SIPA1L3: variants seen among roughly 807,000 people sequenced by gnomAD.
SIPA1L3 encodes signal-induced proliferation-associated 1-like protein 3.
In SIPA1L3, 59 loss-of-function variants were observed where a neutral mutation model predicts 150.1. The ratio of observed to expected loss-of-function variants is 0.39; its 90% CI spans 0.32 to 0.49. SIPA1L3 has a LOEUF of 0.49. SIPA1L3 is among the 20% of genes least tolerant of loss of function. SIPA1L3 has a pLI of 0.86. For missense variants in SIPA1L3, 2,211 were observed against 2,489.5 expected (o/e 0.89, Z 2.38); for synonymous variants, 1,070 against 1,077.6 (o/e 0.99, Z 0.14).
intron 1 of SIPA1L3, among the ~76,000 whole-genome samples, chr19:37,950,101 G>A (rs1289877750): frequency 8.2e-5 from 9 of 109,790 alleles, no homozygotes; most frequent in Non-Finnish European, 1.2e-4. Flanking sequence ...AAAAAAAAAA[G>A]AGTGTGACCA....
chr19:38,117,024 A>C (rs537683085), intron 8 of SIPA1L3, among the ~76,000 whole-genome samples: 45 of 152,326 alleles, frequency 3.0e-4, no homozygotes, highest in African/African-American at 1.1e-3. Flanking sequence ...ATATTCATCA[A>C]ATCTCCAAAT....
At chr19:38,005,962 T>G (rs746438719) in intron 1 of SIPA1L3, among the ~76,000 whole-genome samples, 6 of 152,140 alleles carry the variant, frequency 3.9e-5, no homozygotes, top group Non-Finnish European at 2.9e-5. Context: ...GGGGGAAGAT[T>G]GCTTAAGCCC....
intron 1 of SIPA1L3, among the ~76,000 whole-genome samples, chr19:37,976,726 G>C (rs577772818): frequency 6.6e-6 from 1 of 152,286 alleles, no homozygotes; most frequent in Non-Finnish European, 1.5e-5. Context: ...TTGCTTTGAG[G>C]ATTCAGTAAG....
intron 1 of SIPA1L3, chr19:37,964,720 A>C (rs1471435697): frequency 6.6e-6 from 1 of 151,806 alleles, no homozygotes; most frequent in Non-Finnish European, 1.5e-5. Flanking sequence ...CTGGTCTCGA[A>C]CTCCTGACCT....
intron 6 of SIPA1L3, 129 bp from the exon 7 acceptor site, chr19:38,106,408 G>A: frequency 1.4e-6 from 1 of 738,318 alleles, no homozygotes; most frequent in South Asian, 1.4e-5. Context: ...GGCCTGGCCA[G>A]TGTATTTAAT....
At chr19:38,048,569 C>G (rs1282014576) in intron 2 of SIPA1L3, among the ~76,000 whole-genome samples, 1 of 152,188 alleles carries the variant, frequency 6.6e-6, no homozygotes, top group Non-Finnish European at 1.5e-5. Context: ...CAACTGGGTT[C>G]TGTTGTCTAG....
chr19:38,086,648 A>T (rs145202268), intron 3 of SIPA1L3, among the ~76,000 whole-genome samples: 14 of 152,294 alleles, frequency 9.2e-5, no homozygotes, highest in Admixed American at 2.6e-4. Context: ...GCACCACTGC[A>T]CTCCAGCCTG....
intron 13 of SIPA1L3, among the ~76,000 whole-genome samples, chr19:38,160,255 C>A (rs1023115358): frequency 6.6e-6 from 1 of 152,008 alleles, no homozygotes; most frequent in African/African-American, 2.4e-5. Flanking sequence ...CTCAAATGAT[C>A]CCCCCATCTT....
At chr19:38,152,225 G>A (rs1971840062) in intron 12 of SIPA1L3, among the ~76,000 whole-genome samples, 1 of 152,180 alleles carries the variant, frequency 6.6e-6, no homozygotes, top group South Asian at 2.1e-4. Flanking sequence ...CCATGTGTCA[G>A]GAATCAAACC....
intron 1 of SIPA1L3, among the ~76,000 whole-genome samples, chr19:38,018,484 C>G (rs1181058775): frequency 6.6e-6 from 1 of 152,130 alleles, no homozygotes; most frequent in African/African-American, 2.4e-5. Context: ...TGGGTTCGCC[C>G]ATTCTGGACA....
chr19:38,046,361 C>A lies in SIPA1L3; in HGVS notation c.-311+17205C>A, dbSNP rs1969057392. On this transcript the variant is annotated intron_variant, in intron 2 of 21. Coordinates refer to ENST00000222345, the MANE Select transcript of SIPA1L3 (RefSeq NM_015073.3). The surrounding 1 kb of genome is among the most constrained non-coding windows in gnomAD (Gnocchi z 5.6). The stretch of plus-strand genomic sequence containing the variant: ...CCCAGCGCTGCCAGCAGCCTGTCCC[C>A]CCTCCTCATTTCCCTATTTCTTTTG... Among the ~76,000 whole-genome samples the A allele has an allele frequency of 6.6e-6, 1 of 152,130 alleles. No homozygotes were observed. The highest frequency in any genetic ancestry group is 2.4e-5 in the African/African-American group (1 of 41,428).
At position 37,995,841 on chromosome 19, in the gene SIPA1L3, C is replaced by T. The variant is rs1011066963; in HGVS notation, c.-378-33248C>T. On this transcript the variant is annotated intron_variant, in intron 1 of 21. Transcript: ENST00000222345. ...GTGCCATTGGGGCTCTCCTTGGCTTCGCTCTGCCAGCAGGCTGGAGTCGGG... is the reference window on the plus strand; with the variant it reads ...GTGCCATTGGGGCTCTCCTTGGCTTTGCTCTGCCAGCAGGCTGGAGTCGGG... Among the ~76,000 whole-genome samples the T allele has an allele frequency of 1.6e-4, 24 of 152,216 alleles. 1 individual carries two copies. Among genetic ancestry groups the T allele is most frequent in the Non-Finnish European group, 5.9e-5 (4 of 68,036 alleles).
chr19:38,118,756 A>G (rs1198596903), intron 8 of SIPA1L3, among the ~76,000 whole-genome samples: 1 of 151,302 alleles, frequency 6.6e-6, no homozygotes, highest in Non-Finnish European at 1.5e-5. Flanking sequence ...CTGGTCTCGA[A>G]CTCCTGACCT....
chr19:38,057,974 T>C (rs1163633822), intron 2 of SIPA1L3, among the ~76,000 whole-genome samples: 1 of 152,112 alleles, frequency 6.6e-6, no homozygotes, highest in Non-Finnish European at 1.5e-5. Flanking sequence ...AGAACACTTT[T>C]TAAAGCTCTT....
intron 2 of SIPA1L3, among the ~76,000 whole-genome samples, chr19:38,037,108 G>A (rs1231801675): frequency 3.9e-5 from 6 of 152,208 alleles, no homozygotes; most frequent in African/African-American, 1.2e-4. Context: ...AAATGCAGAG[G>A]TGTCCCCCTG....
At chr19:38,098,529 A>G (rs1654368) in intron 4 of SIPA1L3, among the ~76,000 whole-genome samples, 83,914 of 151,378 alleles carry the variant, frequency 0.55, 24,086 homozygotes, top group East Asian at 0.75. Context: ...TGAGTAGCTG[A>G]GATTACAGGC....
chr19:37,942,199 G>C (rs2046665643), intron 1 of SIPA1L3, among the ~76,000 whole-genome samples: 1 of 152,096 alleles, frequency 6.6e-6, no homozygotes, highest in Non-Finnish European at 1.5e-5. Context: ...GGAGTTCATT[G>C]TTTAGGTTGG....
At chr19:38,106,008 T>A (rs1193420825) in intron 6 of SIPA1L3, among the ~76,000 whole-genome samples, 1 of 152,202 alleles carries the variant, frequency 6.6e-6, no homozygotes, top group African/African-American at 2.4e-5. Flanking sequence ...TTCCATTTGC[T>A]CCACATCCTC....
chr19:38,203,938 G>C (rs1973145965), intron 20 of SIPA1L3, 189 bp from the exon 21 acceptor site: 1 of 585,222 alleles, frequency 1.7e-6, no homozygotes, highest in Non-Finnish European at 3.0e-6. Context: ...CATCCACAGA[G>C]GTGCCCTTGG....
Sources: allele counts gnomAD v4.1 joint callset (sites outside exome capture counted in the v4.1 genomes callset), GRCh38; gene constraint gnomAD v4.1.1; non-coding constraint Gnocchi (gnomAD v3.1); transcripts MANE v1.5; gene names NCBI Gene and HGNC (gene_info 2026-07-23, HGNC 2026-07-21).